CELF2: variants seen among roughly 807,000 people sequenced by gnomAD.
CELF2 encodes the protein CUG triplet repeat RNA-binding protein 2.
CELF2 carries 8 observed loss-of-function variants against 62.6 expected under a neutral mutation model. The observed-to-expected ratio is 0.13, with a 90% confidence interval of 0.07 to 0.23. The LOEUF (loss-of-function observed/expected upper bound fraction) is 0.23. Ranked by LOEUF, CELF2 falls within the 10% of genes least tolerant of loss-of-function variation. CELF2 has a pLI of 1.00. For synonymous variants in CELF2, 258 were observed against 250.0 expected (o/e 1.03, Z -0.30); for missense variants, 333 against 671.0 (o/e 0.50, Z 5.56).
At chr10:10,986,426 T>G (rs1201268706) in intron 2 of CELF2, among the ~76,000 whole-genome samples, 1 of 152,208 alleles carries the variant, frequency 6.6e-6, no homozygotes, top group East Asian at 1.9e-4. Context: ...AATACTGATT[T>G]TGTGGGTTTT....
At chr10:11,287,292 T>C (rs1426770303) in intron 8 of CELF2, among the ~76,000 whole-genome samples, 4 of 152,054 alleles carry the variant, frequency 2.6e-5, no homozygotes, top group African/African-American at 9.7e-5. Flanking sequence ...GTTTCATGCT[T>C]CTCACATGTG....
chr10:11,136,375 G>C (rs1394431762), intron 1 of CELF2, among the ~76,000 whole-genome samples: 5 of 152,152 alleles, frequency 3.3e-5, no homozygotes. Context: ...GGCTGAAGTG[G>C]GTGGATCACC....
chr10:10,505,514 A>G, the CELF2 span, among the ~76,000 whole-genome samples: 1 of 152,052 alleles, frequency 6.6e-6, no homozygotes, highest in Admixed American at 6.6e-5. Flanking sequence ...CATAGAGACC[A>G]CTAACACCAA....
the CELF2 span, among the ~76,000 whole-genome samples, chr10:10,525,213 C>G: frequency 3.9e-5 from 6 of 152,180 alleles, no homozygotes; most frequent in Non-Finnish European, 1.5e-5. Flanking sequence ...CCACGCCATA[C>G]AGTAAAGCTC....
At chr10:11,137,133 A>C (rs980581113) in intron 1 of CELF2, among the ~76,000 whole-genome samples, 3 of 152,254 alleles carry the variant, frequency 2.0e-5, no homozygotes, top group Non-Finnish European at 2.9e-5. Context: ...AGCTTGGAAA[A>C]TACAATGTGA....
the CELF2 span, among the ~76,000 whole-genome samples, chr10:10,546,603 A>G: frequency 6.6e-6 from 1 of 152,176 alleles, no homozygotes; most frequent in Non-Finnish European, 1.5e-5. Context: ...GTAGTGGGCC[A>G]GCTCATTTGG....
chr10:10,751,587 G>A, the CELF2 span, among the ~76,000 whole-genome samples: 1 of 152,184 alleles, frequency 6.6e-6, no homozygotes, highest in East Asian at 1.9e-4. Flanking sequence ...GATGAGGCAG[G>A]GCACTGCATT....
At chr10:10,812,776 T>C (rs1211606848) in intron 1 of CELF2, among the ~76,000 whole-genome samples, 2 of 152,204 alleles carry the variant, frequency 1.3e-5, no homozygotes, top group East Asian at 3.8e-4. Flanking sequence ...TACTTTGTAG[T>C]GTTTGTGTAG....
rs767861235 is a variant in CELF2 at position 11,321,429 on chromosome 10, G to T, written c.1294+43G>T. Reference sequence around the variant, plus strand: ...CCCCAGGCAGGGCCCAGCCCAACAGGCAGCACTGGCCTCTAGAGCACGGTT... The same window carrying T: ...CCCCAGGCAGGGCCCAGCCCAACAGTCAGCACTGGCCTCTAGAGCACGGTT... On this transcript the variant is annotated intron_variant, in intron 11 of 12. Coordinates refer to ENST00000633077, the MANE Select transcript of CELF2 (RefSeq NM_001326342.2). The surrounding 1 kb of genome is among the most constrained non-coding windows in gnomAD (Gnocchi z 6.2). 8 of 1,524,600 alleles carry T rather than the reference G, an allele frequency of 5.2e-6. No individual in the cohort carries two copies. In the African/African-American group the frequency reaches 9.6e-5, roughly 18 times the overall value. The allele number at this position is 1,524,600 out of a possible 1,614,324, so 94.4% of individuals were successfully genotyped here. A position where few individuals can be genotyped will look rare whatever the true frequency, so the allele number is the denominator to read the frequency against.
rs56373613 is a variant in CELF2, at chr10:11,202,901, ATC to A, written c.272-14474_272-14473del. On this transcript the variant is annotated intron_variant, in intron 2 of 12. Transcript: ENST00000633077. ...TGCCTGCCTTCCCACCCCCATCCTC[ATC>A]TCTCTCTCTCTCTCTCTCTCTCTCT... 9.6e-3 allele frequency among the ~76,000 whole-genome samples: 683 copies of A among 70,902 alleles called. 10 individuals are homozygous for A. The highest frequency in any genetic ancestry group is 0.059 in the East Asian group (104 of 1,776). The allele number at this position is 70,902 out of a possible 152,430, so 46.5% of individuals were successfully genotyped here. A position where few individuals can be genotyped will look rare whatever the true frequency, so the allele number is the denominator to read the frequency against.
At chr10:11,141,052 C>T (rs957941691) in intron 1 of CELF2, among the ~76,000 whole-genome samples, 7 of 152,184 alleles carry the variant, frequency 4.6e-5, no homozygotes, top group Non-Finnish European at 7.3e-5. Context: ...TTTGTGTATT[C>T]GTAGAGTCAT....
At chr10:10,536,894 T>G in the CELF2 span, among the ~76,000 whole-genome samples, 1 of 152,194 alleles carries the variant, frequency 6.6e-6, no homozygotes, top group Non-Finnish European at 1.5e-5. Context: ...GATGGGATCT[T>G]GTGGACAAGA....
intron 1 of CELF2, among the ~76,000 whole-genome samples, chr10:10,845,532 C>T (rs1405300674): frequency 6.6e-6 from 1 of 151,946 alleles, no homozygotes; most frequent in Non-Finnish European, 1.5e-5. Context: ...CTATCTCTTC[C>T]AAGAAAAAGA....
the CELF2 span, among the ~76,000 whole-genome samples, chr10:10,576,203 G>T: frequency 1.3e-5 from 2 of 152,138 alleles, no homozygotes; most frequent in Non-Finnish European, 2.9e-5. Context: ...GGGGCTACGG[G>T]TATAAAAGAA....
At chr10:11,208,806 G>C (rs962116117) in intron 2 of CELF2, among the ~76,000 whole-genome samples, 2 of 152,170 alleles carry the variant, frequency 1.3e-5, no homozygotes, top group African/African-American at 4.8e-5. Context: ...GGGACTGAGA[G>C]ACAGGAGGGC....
chr10:11,025,581 G>A (rs910452229), intron 1 of CELF2, among the ~76,000 whole-genome samples: 3 of 152,116 alleles, frequency 2.0e-5, no homozygotes, highest in Non-Finnish European at 4.4e-5. Flanking sequence ...ACTGTGAGTT[G>A]AGTAAAACTC....
At chr10:10,473,340 G>T in the CELF2 span, among the ~76,000 whole-genome samples, 1 of 151,936 alleles carries the variant, frequency 6.6e-6, no homozygotes, top group African/African-American at 2.4e-5. Flanking sequence ...TCTAGGAAAA[G>T]GTAAGAGTTT....
intron 2 of CELF2, among the ~76,000 whole-genome samples, chr10:11,195,372 C>T (rs1283572909): frequency 1.3e-5 from 2 of 152,172 alleles, no homozygotes; most frequent in Admixed American, 6.5e-5. Flanking sequence ...ATGAGGTATT[C>T]CCTGACTTCT....
At chr10:10,812,040 C>T (rs1230280006) in intron 1 of CELF2, among the ~76,000 whole-genome samples, 1 of 152,154 alleles carries the variant, frequency 6.6e-6, no homozygotes, top group Non-Finnish European at 1.5e-5. Context: ...CATGCAGGGT[C>T]CTGTCTGTTC....
Sources: allele counts gnomAD v4.1 joint callset (sites outside exome capture counted in the v4.1 genomes callset), GRCh38; gene constraint gnomAD v4.1.1; non-coding constraint Gnocchi (gnomAD v3.1); transcripts MANE v1.5; gene names NCBI Gene and HGNC (gene_info 2026-07-23, HGNC 2026-07-21).